The following CDKAL1 variants were observed in gnomAD, a reference collection of about 807,000 sequenced individuals.
CDKAL1 encodes threonylcarbamoyladenosine tRNA methylthiotransferase.
CDKAL1 carries 32 observed loss-of-function variants against 68.2 expected under a neutral mutation model. The ratio of observed to expected loss-of-function variants is 0.47; its 90% CI spans 0.35 to 0.63. The LOEUF is 0.63. Among genes scored for constraint, CDKAL1 ranks in the 30% least tolerant of loss-of-function variants. The pLI, the probability that CDKAL1 is intolerant of heterozygous loss-of-function variation, is 0.00. For missense variants in CDKAL1, 606 were observed against 696.7 expected (o/e 0.87, Z 1.47); for synonymous variants, 234 against 244.3 (o/e 0.96, Z 0.39).
chr6:20,749,884 T>A (rs966005325), intron 6 of CDKAL1, among the ~76,000 whole-genome samples: 1 of 151,806 alleles, frequency 6.6e-6, no homozygotes. Flanking sequence ...TGTTTTTTTT[T>A]AAATAAAGAC....
At chr6:20,785,720 T>G (rs1049302558) in intron 8 of CDKAL1, among the ~76,000 whole-genome samples, 1 of 152,214 alleles carries the variant, frequency 6.6e-6, no homozygotes, top group African/African-American at 2.4e-5. Flanking sequence ...ATGAGCCTTC[T>G]CAGTAAAATC....
rs557710298 is a variant in CDKAL1 at position 21,201,223 on chromosome 6, G to T, written c.1497G>T (p.Thr499=). 5 of 1,612,984 alleles carry T rather than the reference G, an allele frequency of 3.1e-6. No individual in the cohort carries two copies. Among genetic ancestry groups the T allele is most frequent in the East Asian group, 2.2e-5 (1 of 44,868 alleles). Residue 499 remains threonine, a synonymous_variant, in exon 15 of 16, where the codon ACG becomes ACT. Transcript: ENST00000274695. ...CAGTATCTGATGCCAAAGTGTACAC[G>T]CCCTCCATCAGCAAACCGCTAGCAA... ...GQPVSDAKVY[T]PSISKPLAKG...
chr6:20,909,291 A>G (rs1762365510), intron 9 of CDKAL1, among the ~76,000 whole-genome samples: 1 of 152,112 alleles, frequency 6.6e-6, no homozygotes, highest in African/African-American at 2.4e-5. Context: ...CCTTCTAAAC[A>G]TCTAGTACAA....
chr6:21,133,761 C>T (rs571674646), intron 13 of CDKAL1, among the ~76,000 whole-genome samples: 20 of 152,136 alleles, frequency 1.3e-4, no homozygotes, highest in East Asian at 3.9e-4. Flanking sequence ...TATTAATATG[C>T]GACCCATTAA....
intron 4 of CDKAL1, among the ~76,000 whole-genome samples, chr6:20,614,655 T>C (rs1178679705): frequency 2.6e-5 from 4 of 152,228 alleles, no homozygotes; most frequent in African/African-American, 9.6e-5. Flanking sequence ...TTATCTTTTT[T>C]TCCTTTTACT....
intron 10 of CDKAL1, among the ~76,000 whole-genome samples, chr6:20,963,929 A>C (rs544700912): frequency 1.3e-5 from 2 of 152,284 alleles, no homozygotes; most frequent in African/African-American, 4.8e-5. Context: ...TGTGGTATAA[A>C]CTTCTGAACT....
chr6:21,144,965 G>A (rs977473460), intron 13 of CDKAL1, among the ~76,000 whole-genome samples: 6 of 152,186 alleles, frequency 3.9e-5, no homozygotes, highest in African/African-American at 1.4e-4. Flanking sequence ...TTTACAAAAA[G>A]TGATTTCAAC....
chr6:20,854,415 A>G (rs1478900573), intron 9 of CDKAL1, among the ~76,000 whole-genome samples: 1 of 152,202 alleles, frequency 6.6e-6, no homozygotes, highest in Non-Finnish European at 1.5e-5. Flanking sequence ...TTATTTTTCC[A>G]TTCATTCAAC....
At chr6:20,776,869 G>A (rs1294373281) in intron 7 of CDKAL1, among the ~76,000 whole-genome samples, 33 of 152,210 alleles carry the variant, frequency 2.2e-4, no homozygotes, top group Admixed American at 2.2e-3. Flanking sequence ...TATTCGGTGA[G>A]TAAGGTTGCA....
intron 5 of CDKAL1, among the ~76,000 whole-genome samples, chr6:20,715,530 C>G (rs1240183851): frequency 6.6e-6 from 1 of 152,162 alleles, no homozygotes; most frequent in Non-Finnish European, 1.5e-5. Flanking sequence ...GTGCAGAGAT[C>G]TTTTATGAAG....
intron 7 of CDKAL1, among the ~76,000 whole-genome samples, chr6:20,775,221 T>C (rs1775122107): frequency 6.6e-6 from 1 of 152,228 alleles, no homozygotes; most frequent in Admixed American, 6.5e-5. Context: ...ACACTGAGCA[T>C]CATCTCCCCA....
chr6:20,800,540 A>G (rs1776324113), intron 8 of CDKAL1: 1 of 152,186 alleles, frequency 6.6e-6, no homozygotes, highest in South Asian at 2.1e-4. Flanking sequence ...ATATATATGT[A>G]TGAAACACTT....
rs1407969306 is a variant in CDKAL1, at chr6:20,953,302, C to T, written c.743-2117C>T. ...ATGTTATTTCCATTCCTATTCATAGCGATTTTTCCCCTTCTATATTCATCT... is the reference window on the plus strand; with the variant it reads ...ATGTTATTTCCATTCCTATTCATAGTGATTTTTCCCCTTCTATATTCATCT... On this transcript the variant is annotated intron_variant, in intron 9 of 15. Coordinates refer to ENST00000274695, the MANE Select transcript of CDKAL1 (RefSeq NM_017774.3). Among the ~76,000 whole-genome samples the T allele has an allele frequency of 2.0e-5, 3 of 152,160 alleles. No individual in the cohort carries two copies. In the East Asian group the frequency reaches 5.8e-4, roughly 29 times the overall value.
chr6:20,704,373 C>G (rs1771506229), intron 5 of CDKAL1, among the ~76,000 whole-genome samples: 1 of 152,002 alleles, frequency 6.6e-6, no homozygotes, highest in East Asian at 1.9e-4. Flanking sequence ...GAAGACTTCT[C>G]TGGTAAAATG....
intron 9 of CDKAL1, among the ~76,000 whole-genome samples, chr6:20,864,261 TG>T (rs143997716): frequency 0.96 from 145,517 of 151,970 alleles, 69,676 homozygotes; most frequent in East Asian, 1. Context: ...TAACTTAAAA[TG>T]CAACTGACAT....
At chr6:20,913,641 C>A (rs967080345) in intron 9 of CDKAL1, among the ~76,000 whole-genome samples, 1 of 152,154 alleles carries the variant, frequency 6.6e-6, no homozygotes, top group Admixed American at 6.5e-5. Flanking sequence ...ATTGAAATTT[C>A]TGAGGTTCTC....
At chr6:21,063,135 G>A (rs1469269201) in intron 11 of CDKAL1, among the ~76,000 whole-genome samples, 3 of 152,026 alleles carry the variant, frequency 2.0e-5, no homozygotes, top group African/African-American at 4.8e-5. Context: ...GGCTGGTCTC[G>A]AACTCCTGAC....
intron 11 of CDKAL1, among the ~76,000 whole-genome samples, chr6:21,052,372 G>A (rs1395235179): frequency 1.3e-5 from 2 of 151,836 alleles, no homozygotes; most frequent in African/African-American, 4.8e-5. Flanking sequence ...TATTAGAGGT[G>A]GAGTCTAGCC....
intron 10 of CDKAL1, among the ~76,000 whole-genome samples, chr6:20,964,679 AT>A (rs1300712873): frequency 4.6e-5 from 7 of 152,178 alleles, no homozygotes; most frequent in African/African-American, 1.7e-4. Flanking sequence ...GAGGGAGAGC[AT>A]CAGGAAGAAT....
Sources: allele counts gnomAD v4.1 joint callset (sites outside exome capture counted in the v4.1 genomes callset), GRCh38; gene constraint gnomAD v4.1.1; transcripts MANE v1.5; gene names NCBI Gene and HGNC (gene_info 2026-07-23, HGNC 2026-07-21).